Variants in FER1L6 observed in about 807,000 individuals in gnomAD.
FER1L6 encodes fer-1-like protein 6.
Under a neutral mutation model 219.2 loss-of-function variants are expected in FER1L6, and 177 were observed. The ratio of observed to expected loss-of-function variants is 0.81; its 90% CI spans 0.71 to 0.91. The LOEUF (loss-of-function observed/expected upper bound fraction) is 0.91, where lower values mean the gene tolerates loss of function less well. Ranked by LOEUF, FER1L6 falls within the 40% of genes least tolerant of loss-of-function variation. The pLI is 0.00. For missense variants in FER1L6, 2,153 were observed against 2,259.9 expected, an observed-to-expected ratio of 0.95 and a Z score of 0.96; for synonymous variants, 768 against 824.3, an observed-to-expected ratio of 0.93 and a Z score of 1.17.
At chr8:124,117,490 G>A (rs920450130) in intron 39 of FER1L6, among the ~76,000 whole-genome samples, 1 of 152,166 alleles carries the variant, frequency 6.6e-6, no homozygotes, top group Non-Finnish European at 1.5e-5. Context: ...ATTTCTCAAT[G>A]GGAATGAAAG....
chr8:124,053,987 T>C (rs1820166378), intron 22 of FER1L6, among the ~76,000 whole-genome samples: 1 of 152,208 alleles, frequency 6.6e-6, no homozygotes, highest in Non-Finnish European at 1.5e-5. Context: ...AGCCCCGTTG[T>C]TCTCCCAGAC....
Position 124,015,571 on chromosome 8 carries a change from C to CCA in FER1L6, c.1922+2040_1922+2041insCA, listed in dbSNP as rs1228848238. On this transcript the variant is annotated intron_variant, in intron 15 of 40. Transcript: ENST00000522917. ...TGTTTCTTGTTTTTCATTATAAAAG[C>CCA]TATATATATATATATATATATATAT... Among the ~76,000 whole-genome samples the CCA allele has an allele frequency of 1.2e-4, 5 of 43,266 alleles. No homozygotes were observed. The East Asian group carries it at 2.1e-3, about 18-fold the overall frequency. The allele number at this position is 43,266 out of a possible 152,430, so 28.4% of individuals were successfully genotyped here. A position where few individuals can be genotyped will look rare whatever the true frequency, so the allele number is the denominator to read the frequency against.
At chr8:124,048,442 G>A (rs1222238758) in intron 21 of FER1L6, among the ~76,000 whole-genome samples, 3 of 152,176 alleles carry the variant, frequency 2.0e-5, no homozygotes, top group Admixed American at 6.5e-5. Flanking sequence ...GAATGACTGC[G>A]CAGCCCCATG....
At chr8:124,090,687 G>T (rs560013131) in intron 33 of FER1L6, among the ~76,000 whole-genome samples, 2 of 152,196 alleles carry the variant, frequency 1.3e-5, no homozygotes, top group South Asian at 4.1e-4. Context: ...GTCCTGGCTT[G>T]TAGGGAGTGC....
At chr8:123,954,916 C>T (rs1275887934) in intron 1 of FER1L6, among the ~76,000 whole-genome samples, 1 of 152,200 alleles carries the variant, frequency 6.6e-6, no homozygotes, top group Non-Finnish European at 1.5e-5. Context: ...TGTTCCTTCC[C>T]CTCCTCTCTC....
chr8:124,103,419 C>A, intron 39 of FER1L6, 110 bp downstream of exon 39: 4 of 1,071,040 alleles, frequency 3.7e-6, no homozygotes, highest in Non-Finnish European at 5.5e-6. Flanking sequence ...ATGACATGAA[C>A]CCTTCATGCA....
At chr8:123,855,184 T>C (rs1433106702) in intron 1 of FER1L6, among the ~76,000 whole-genome samples, 1 of 152,152 alleles carries the variant, frequency 6.6e-6, no homozygotes, top group African/African-American at 2.4e-5. Context: ...CTCAAACAGT[T>C]CAGGATCCAG....
chr8:124,076,166 T>C (rs1218489814), intron 31 of FER1L6, 32 bp from the exon 32 acceptor site: 1 of 1,612,620 alleles, frequency 6.2e-7, no homozygotes. Context: ...TGAGAGCTAT[T>C]GAACCAAAGA....
chr8:123,923,515 G>C (rs1306747672), intron 1 of FER1L6, among the ~76,000 whole-genome samples: 1 of 152,112 alleles, frequency 6.6e-6, no homozygotes, highest in Non-Finnish European at 1.5e-5. Flanking sequence ...CGAGTTCTCA[G>C]AAAAAGTTAT....
intron 1 of FER1L6, among the ~76,000 whole-genome samples, chr8:123,924,589 C>T (rs1006274067): frequency 3.9e-5 from 6 of 152,040 alleles, no homozygotes; most frequent in South Asian, 2.1e-4. Flanking sequence ...TTGGAATATT[C>T]GGTTAATCAG....
chr8:123,886,939 T>A (rs192993175), intron 1 of FER1L6, among the ~76,000 whole-genome samples: 4,449 of 152,190 alleles, frequency 0.029, 100 homozygotes, highest in Middle Eastern at 0.086. Context: ...TTTTTTAAAA[T>A]AAATATAGAA....
rs375873089 is a variant in FER1L6 at position 123,980,846 on chromosome 8, A to G, written c.1410+35A>G. The stretch of plus-strand genomic sequence containing the variant: ...GGCACTGCATTATGGTACTTTACCT[A>G]TGAGGTGAACCAGAGCAGGGACTGC... On this transcript the variant is annotated intron_variant, in intron 11 of 40. Transcript: ENST00000522917. 25 of 1,546,634 alleles carry G rather than the reference A, an allele frequency of 1.6e-5. No individual in the cohort carries two copies. In the African/African-American group the frequency reaches 2.7e-4, roughly 17 times the overall value.
chr8:124,081,605 C>CAAAAAAA lies in FER1L6; in HGVS notation c.4221-669_4221-663dup, dbSNP rs1243602409. ...GTGCAGGCTCCAGCAATGCAGAGAC[C>CAAAAAAA]AAAAAAAAAAAAAAAAAAAAGGGCA... On this transcript the variant is annotated intron_variant, in intron 32 of 40. Coordinates refer to ENST00000522917, the MANE Select transcript of FER1L6 (RefSeq NM_001039112.2). Among the ~76,000 whole-genome samples the CAAAAAAA allele has an allele frequency of 1.1e-4, 6 of 53,024 alleles. 2 individuals carry two copies. Among genetic ancestry groups the CAAAAAAA allele is most frequent in the Non-Finnish European group, 1.7e-4 (4 of 24,200 alleles). 34.8% of individuals were successfully genotyped at this position (53,024 alleles called of 152,430 possible).
At chr8:124,010,335 G>A (rs1296940104) in intron 13 of FER1L6, among the ~76,000 whole-genome samples, 2 of 152,038 alleles carry the variant, frequency 1.3e-5, no homozygotes, top group Admixed American at 6.5e-5. Context: ...AAAAAATCCC[G>A]CCCTCTAGTG....
intron 1 of FER1L6, among the ~76,000 whole-genome samples, chr8:123,882,414 T>A (rs1447906888): frequency 1.3e-5 from 2 of 152,154 alleles, no homozygotes. Flanking sequence ...GAGATGGAGA[T>A]GTGCTTACTT....
rs759443167 is a variant in FER1L6 at position 124,119,717 on chromosome 8, T to C, written c.5501T>C (p.Leu1834Pro). The part of the protein sequence containing the change: ...YIIIAFILII[L>P]IIFLVLFIYT... The stretch of plus-strand genomic sequence containing the variant: ...ATCATTGCTTTCATTCTCATCATCC[T>C]CATCATCTTCCTCGTCCTTTTCATC... Residue 1834 changes from leucine to proline, a missense_variant, in exon 41 of 41, where the codon CTC (leucine) becomes CCC (proline). Leu to Pro is a moderately conservative substitution (Grantham distance 98). Transcript: ENST00000522917. 6.2e-7 allele frequency: 1 copy of C among 1,613,784 alleles called. No individual in the cohort carries two copies. Among genetic ancestry groups the C allele is most frequent in the South Asian group, 1.1e-5 (1 of 91,054 alleles).
chr8:124,107,330 T>G (rs1313727841), intron 39 of FER1L6, among the ~76,000 whole-genome samples: 2 of 152,186 alleles, frequency 1.3e-5, no homozygotes, highest in African/African-American at 4.8e-5. Flanking sequence ...AATGAACACA[T>G]TAGTACACAT....
At chr8:124,117,784 T>G (rs1823310181) in intron 39 of FER1L6, among the ~76,000 whole-genome samples, 1 of 152,164 alleles carries the variant, frequency 6.6e-6, no homozygotes, top group African/African-American at 2.4e-5. Context: ...TGTGAATGAG[T>G]CCTGATCTTT....
chr8:123,943,543 C>T (rs753271228), intron 1 of FER1L6, among the ~76,000 whole-genome samples: 1 of 152,176 alleles, frequency 6.6e-6, no homozygotes, highest in Non-Finnish European at 1.5e-5. Context: ...CACTGAGCCA[C>T]TGAATTCCCA....
Sources: allele counts gnomAD v4.1 joint callset (sites outside exome capture counted in the v4.1 genomes callset), GRCh38; gene constraint gnomAD v4.1.1; transcripts MANE v1.5; gene names NCBI Gene and HGNC (gene_info 2026-07-23, HGNC 2026-07-21).